Variants in MICAL3 observed in about 807,000 individuals in gnomAD.
The protein encoded by MICAL3 is [F-actin]-monooxygenase MICAL3.
Under a neutral mutation model 207.4 loss-of-function variants are expected in MICAL3, and 62 were observed. The ratio of observed to expected loss-of-function variants is 0.30; its 90% CI spans 0.24 to 0.37. The LOEUF (loss-of-function observed/expected upper bound fraction) is 0.37. MICAL3 is among the 10% of genes least tolerant of loss of function. The pLI, the probability that MICAL3 is intolerant of heterozygous loss-of-function variation, is 1.00. For synonymous variants in MICAL3, 1,077 were observed against 1,069.3 expected, an observed-to-expected ratio of 1.01 and a Z score of -0.14; for missense variants, 2,368 against 2,635.6, an observed-to-expected ratio of 0.90 and a Z score of 2.22.
chr22:17,990,361 G>GGATGACAGGGCTCCCCT (rs771891041), intron 1 of MICAL3, among the ~76,000 whole-genome samples: 201 of 152,282 alleles, frequency 1.3e-3, no homozygotes, highest in Non-Finnish European at 1.9e-3. Flanking sequence ...GACTGTCTCT[G>GGATGACAGGGCTCCCCT]GATGACAGGA....
At chr22:17,835,709 G>A (rs142255987) in intron 20 of MICAL3, among the ~76,000 whole-genome samples, 129 of 152,324 alleles carry the variant, frequency 8.5e-4, no homozygotes, top group African/African-American at 3.0e-3. Flanking sequence ...GGAGGGACGG[G>A]GTCAGATCTA....
In MICAL3 at chr22:17,862,634, A is replaced by T. The variant is rs369915986; in HGVS notation, c.2605+2265T>A. ...CAAAGCTTCAGTTTCATATTTAAAG[A>T]AGGAAATCTCTATCAAAGGAGAAAA... On this transcript the variant is annotated intron_variant, in intron 19 of 31. Coordinates refer to ENST00000441493, the MANE Select transcript of MICAL3 (RefSeq NM_015241.3). 3 of 985,228 alleles carry T rather than the reference A, an allele frequency of 3.0e-6. No homozygotes were observed. In the African/African-American group the frequency reaches 5.2e-5, roughly 17 times the overall value. The allele number at this position is 985,228 out of a possible 1,614,324, so 61.0% of individuals were successfully genotyped here. A position where few individuals can be genotyped will look rare whatever the true frequency, so the allele number is the denominator to read the frequency against.
chr22:17,873,735 C>T lies in MICAL3; in HGVS notation c.2242-1712G>A, dbSNP rs1026839298. On this transcript the variant is annotated intron_variant, in intron 16 of 31. Transcript: ENST00000441493. The stretch of plus-strand genomic sequence containing the variant: ...ACTGAAACCACAGGAGAAACTTCCA[C>T]GTCTCCATCATGAGCCGCCCTGCTC... Among the ~76,000 whole-genome samples, 114 of 152,276 alleles carry T rather than the reference C, an allele frequency of 7.5e-4. 1 individual carries two copies. The highest frequency in any genetic ancestry group is 2.7e-3 in the African/African-American group (110 of 41,480).
At chr22:17,876,828 ATG>A (rs1569109200) in intron 16 of MICAL3, 21 of 137,902 alleles carry the variant, frequency 1.5e-4, no homozygotes, top group African/African-American at 5.9e-4. Flanking sequence ...TAGGGAGGTT[ATG>A]GAGGTTAGGG....
intron 1 of MICAL3, among the ~76,000 whole-genome samples, chr22:17,909,504 G>T (rs760295871): frequency 6.6e-6 from 1 of 152,200 alleles, no homozygotes; most frequent in African/African-American, 2.4e-5. Context: ...CAGCCTCAGC[G>T]ACAGAGTGAG....
chr22:18,013,868 A>C (rs1307840496), intron 1 of MICAL3, among the ~76,000 whole-genome samples: 1 of 151,660 alleles, frequency 6.6e-6, no homozygotes, highest in Non-Finnish European at 1.5e-5. Context: ...TGGTACAATA[A>C]CAGCTCACTG....
chr22:17,801,823 G>C (rs1298717242), intron 29 of MICAL3, among the ~76,000 whole-genome samples: 2 of 152,088 alleles, frequency 1.3e-5, no homozygotes, highest in Non-Finnish European at 2.9e-5. Context: ...GAACCCGGGA[G>C]GCGGAGCTTG....
At chr22:17,880,524 C>T (rs149899939) in intron 16 of MICAL3, among the ~76,000 whole-genome samples, 117 of 152,288 alleles carry the variant, frequency 7.7e-4, no homozygotes, top group Non-Finnish European at 1.1e-3. Flanking sequence ...ACAGGCCACC[C>T]TAGGTGGGAA....
At chr22:17,982,649 C>T (rs773614915) in intron 1 of MICAL3, among the ~76,000 whole-genome samples, 44 of 142,428 alleles carry the variant, frequency 3.1e-4, no homozygotes, top group African/African-American at 1.1e-3. Flanking sequence ...CCAGCCTGGG[C>T]GACAGAGTAA....
chr22:17,857,736 G>T (rs571781877), intron 19 of MICAL3, among the ~76,000 whole-genome samples: 1 of 152,370 alleles, frequency 6.6e-6, no homozygotes, highest in East Asian at 1.9e-4. Context: ...CGGAGCTGGG[G>T]CCCTAGATTC....
chr22:17,809,868 T>A (rs1001311825), intron 28 of MICAL3, among the ~76,000 whole-genome samples: 7 of 151,918 alleles, frequency 4.6e-5, no homozygotes, highest in Non-Finnish European at 1.0e-4. Context: ...GGAAACTCAA[T>A]GCAGGGTTCT....
At chr22:17,826,122 G>A (rs1274373997) in intron 22 of MICAL3, among the ~76,000 whole-genome samples, 2 of 152,220 alleles carry the variant, frequency 1.3e-5, no homozygotes, top group South Asian at 2.1e-4. Context: ...ACACTCAATC[G>A]GTAACCACCT....
At position 17,834,223 on chromosome 22, in the gene MICAL3, GAC is replaced by G. The variant is rs1359193980; in HGVS notation, c.2802-2118_2802-2117del. ...TTTGTGCTCTCTGAGTTTGCTCAAT[GAC>G]ACATTCATTCATTCACTCGGTGAAC... is the stretch of plus-strand genomic sequence containing the variant. On this transcript the variant is annotated intron_variant, in intron 20 of 31. Transcript: ENST00000441493. 99 of 1,087,746 alleles carry G rather than the reference GAC, an allele frequency of 9.1e-5. 1 individual carries two copies. Among genetic ancestry groups the G allele is most frequent in the South Asian group, 3.6e-4 (17 of 46,686 alleles). 67.4% of individuals were successfully genotyped at this position (1,087,746 alleles called of 1,614,324 possible).
In MICAL3 at chr22:17,817,403, T is replaced by A; in HGVS notation, c.5258A>T (p.Lys1753Met). 6.2e-7 allele frequency: 1 copy of A among 1,613,364 alleles called. No homozygotes were observed. ...GGGGCAGGACTTGTCGTCGGCCTTC[T>A]TCTTCTTGTCCTTCTTGTACCCGGA... ...VFSGYKKDKK[K>M]KADDKSCPST... is the part of the protein sequence containing the mutation. Residue 1753 changes from lysine to methionine, a missense_variant, in exon 26 of 32, where the codon AAG (lysine) becomes ATG (methionine). By Grantham distance (95) the Lys-to-Met change is moderately conservative. Around this residue, in one of 4 missense-constraint regions of MICAL3, gnomAD observed 1,770 missense variants for 1,863.2 expected, o/e 0.95. Transcript: ENST00000441493.
chr22:17,862,674 T>C, intron 19 of MICAL3: 1 of 985,460 alleles, frequency 1.0e-6, no homozygotes, highest in Non-Finnish European at 1.2e-6. Flanking sequence ...ATCTATTTCA[T>C]GCCAGCCATA....
intron 1 of MICAL3, among the ~76,000 whole-genome samples, chr22:17,950,801 G>A (rs888579415): frequency 2.6e-5 from 4 of 152,186 alleles, no homozygotes; most frequent in African/African-American, 7.2e-5. Context: ...TCACACTCAC[G>A]ACAGATGTCT....
intron 1 of MICAL3, among the ~76,000 whole-genome samples, chr22:17,935,118 CA>C (rs1305539724): frequency 2.6e-5 from 4 of 152,036 alleles, no homozygotes; most frequent in African/African-American, 9.7e-5. Context: ...CCCGCATTGC[CA>C]AGACAATCCT....
chr22:17,907,435 A>G (rs1205614667), intron 1 of MICAL3, among the ~76,000 whole-genome samples: 1 of 152,210 alleles, frequency 6.6e-6, no homozygotes, highest in Non-Finnish European at 1.5e-5. Context: ...TAAAAACAGA[A>G]GCACTCCTTG....
intron 1 of MICAL3, among the ~76,000 whole-genome samples, chr22:18,002,625 T>A (rs1392984873): frequency 6.6e-6 from 1 of 151,998 alleles, no homozygotes; most frequent in Admixed American, 6.6e-5. Context: ...AGAGTGAGCC[T>A]CTGTCTAAAA....
Sources: allele counts gnomAD v4.1 joint callset (sites outside exome capture counted in the v4.1 genomes callset), GRCh38; gene constraint gnomAD v4.1.1; regional missense constraint gnomAD v4.1.1; transcripts MANE v1.5; gene names NCBI Gene and HGNC (gene_info 2026-07-23, HGNC 2026-07-21).